RUNX1: variants seen among roughly 807,000 people sequenced by gnomAD.
RUNX1 encodes the protein runt-related transcription factor 1.
A neutral mutation model predicts 42.8 loss-of-function variants in RUNX1; 19 were observed. The observed-to-expected ratio is 0.44, with a 90% CI of 0.31 to 0.65. The LOEUF is 0.65. Ranked by LOEUF, RUNX1 falls within the 30% of genes least tolerant of loss-of-function variation. The probability of loss-of-function intolerance (pLI) is 0.07; values close to 1 mark genes in which losing one functional copy is unlikely to be tolerated. For missense variants in RUNX1, 528 were observed against 672.0 expected, an observed-to-expected ratio of 0.79 and a Z score of 2.37; for synonymous variants, 271 against 289.4, an observed-to-expected ratio of 0.94 and a Z score of 0.64.
intron 2 of RUNX1, among the ~76,000 whole-genome samples, chr21:35,018,160 G>A (rs532022380): frequency 6.6e-6 from 1 of 152,134 alleles, no homozygotes; most frequent in East Asian, 1.9e-4. Flanking sequence ...GGAGTAGCTG[G>A]GACTACAGGC....
intron 2 of RUNX1, among the ~76,000 whole-genome samples, chr21:34,908,705 T>G (rs2058246243): frequency 6.6e-6 from 1 of 152,238 alleles, no homozygotes; most frequent in African/African-American, 2.4e-5. Flanking sequence ...AAGTCCTGCT[T>G]TCCCAATTTG....
intron 7 of RUNX1, chr21:34,821,478 T>C: frequency 2.8e-6 from 4 of 1,433,504 alleles, no homozygotes; most frequent in Non-Finnish European, 2.8e-6. Context: ...TGTTAGGAAC[T>C]ATTATTGTTA....
chr21:34,854,978 CA>C (rs999682444), intron 6 of RUNX1, among the ~76,000 whole-genome samples: 4 of 152,058 alleles, frequency 2.6e-5, no homozygotes, highest in African/African-American at 9.7e-5. Context: ...AACAAACAAA[CA>C]AAAAAATCAA....
intron 2 of RUNX1, among the ~76,000 whole-genome samples, chr21:34,930,266 G>GTATA (rs1569110271): frequency 6.5e-5 from 5 of 76,430 alleles, no homozygotes; most frequent in African/African-American, 3.8e-4. Flanking sequence ...ACGTGTGTGT[G>GTATA]TATGTATATA....
chr21:34,947,655 A>G (rs2058573944), intron 2 of RUNX1, among the ~76,000 whole-genome samples: 1 of 152,214 alleles, frequency 6.6e-6, no homozygotes, highest in African/African-American at 2.4e-5. Flanking sequence ...TAGTTTTCAC[A>G]GAAGCCCTGT....
At chr21:34,883,272 C>CCATATTTGGGCACCTA (rs1171534092) in intron 4 of RUNX1, among the ~76,000 whole-genome samples, 1 of 151,968 alleles carries the variant, frequency 6.6e-6, no homozygotes, top group Non-Finnish European at 1.5e-5. Flanking sequence ...GCAGAATCAA[C>CCATATTTGGGCACCTA]CATATTTGGG....
intron 6 of RUNX1, among the ~76,000 whole-genome samples, chr21:34,841,206 G>C (rs1294663249): frequency 1.3e-5 from 2 of 152,132 alleles, no homozygotes; most frequent in Non-Finnish European, 2.9e-5. Context: ...TCCCTGTGCA[G>C]GCCCCTGTTC....
At chr21:34,992,718 T>C (rs957665875) in intron 2 of RUNX1, among the ~76,000 whole-genome samples, 5 of 149,078 alleles carry the variant, frequency 3.4e-5, no homozygotes, top group Non-Finnish European at 5.9e-5. Flanking sequence ...AGAAATGGGA[T>C]GGCGATGCCC....
intron 7 of RUNX1, chr21:34,821,749 T>C: frequency 6.7e-7 from 1 of 1,503,420 alleles, no homozygotes; most frequent in Non-Finnish European, 9.0e-7. Context: ...GGACAATTCT[T>C]TATAGAGCCG....
chr21:34,960,226 T>C (rs2058672970), intron 2 of RUNX1, among the ~76,000 whole-genome samples: 1 of 152,160 alleles, frequency 6.6e-6, no homozygotes, highest in African/African-American at 2.4e-5. Context: ...CCTGGGTCCA[T>C]GACTACAGAA....
intron 2 of RUNX1, among the ~76,000 whole-genome samples, chr21:35,032,676 G>C (rs576834748): frequency 6.6e-6 from 1 of 152,264 alleles, no homozygotes; most frequent in East Asian, 1.9e-4. Flanking sequence ...TTCCCACAAG[G>C]GACACCTACA....
At chr21:34,879,087 GT>G (rs1363592562) in intron 5 of RUNX1, among the ~76,000 whole-genome samples, 2 of 152,144 alleles carry the variant, frequency 1.3e-5, no homozygotes, top group Non-Finnish European at 2.9e-5. Flanking sequence ...TGGGGCCTTT[GT>G]TTTTTATTGG....
At position 34,862,386 on chromosome 21, in the gene RUNX1, A is replaced by T. The variant is rs147121234; in HGVS notation, c.509-2808T>A. 1.4e-4 allele frequency among the ~76,000 whole-genome samples: 21 copies of T among 152,308 alleles called. No individual in the cohort carries two copies. The East Asian group carries it at 3.7e-3, about 27-fold the overall frequency. On this transcript the variant is annotated intron_variant, in intron 5 of 8. Coordinates refer to ENST00000675419, the MANE Select transcript of RUNX1 (RefSeq NM_001754.5). ...ACAACTCTAGCACCTCAGTGACTTC[A>T]TAAAAATACTGTATTTGTTTCCTGG...
chr21:34,984,117 TG>T (rs975385101), intron 2 of RUNX1, among the ~76,000 whole-genome samples: 2 of 151,650 alleles, frequency 1.3e-5, no homozygotes, highest in Admixed American at 6.6e-5. Context: ...AAGACAAGAG[TG>T]GCCAGATTCA....
chr21:35,003,241 G>A (rs538757318), intron 2 of RUNX1, among the ~76,000 whole-genome samples: 41 of 152,346 alleles, frequency 2.7e-4, no homozygotes, highest in Middle Eastern at 3.4e-3. Context: ...CCCCATGTGA[G>A]TGGAGATGCA....
At chr21:34,837,002 T>C (rs75421537) in intron 6 of RUNX1, among the ~76,000 whole-genome samples, 2,267 of 152,314 alleles carry the variant, frequency 0.015, 47 homozygotes, top group African/African-American at 0.051. Context: ...TGTTTGTTTC[T>C]TTGTTTTTTA....
chr21:34,930,258 G>A (rs965357550), intron 2 of RUNX1, among the ~76,000 whole-genome samples: 5 of 77,572 alleles, frequency 6.4e-5, no homozygotes, highest in South Asian at 3.7e-4. Flanking sequence ...TATATTATAC[G>A]TGTGTGTGTA....
intron 2 of RUNX1, among the ~76,000 whole-genome samples, chr21:35,043,070 G>A (rs2059370972): frequency 6.6e-6 from 1 of 152,150 alleles, no homozygotes; most frequent in South Asian, 2.1e-4. Context: ...GTGTGTCTGA[G>A]CTTATCCTCC....
At chr21:35,010,623 A>ACGCGCG in intron 2 of RUNX1, among the ~76,000 whole-genome samples, 3 of 147,548 alleles carry the variant, frequency 2.0e-5, no homozygotes, top group African/African-American at 7.7e-5. Context: ...GTACACACAC[A>ACGCGCG]CGCACACACA....
Sources: allele counts gnomAD v4.1 joint callset (sites outside exome capture counted in the v4.1 genomes callset), GRCh38; gene constraint gnomAD v4.1.1; transcripts MANE v1.5; gene names NCBI Gene and HGNC (gene_info 2026-07-23, HGNC 2026-07-21).